DCC: variants seen among roughly 807,000 people sequenced by gnomAD.
DCC encodes the protein DCC netrin 1 receptor, also known as netrin receptor DCC.
A neutral mutation model predicts 172.5 loss-of-function variants in DCC; 58 were observed. That is an observed-to-expected ratio of 0.34 (90% confidence interval 0.27 to 0.42). DCC has a LOEUF of 0.42. Among genes scored for constraint, DCC ranks in the 10% least tolerant of loss-of-function variants. The pLI is 1.00. For synonymous variants in DCC, 709 were observed against 644.5 expected, an observed-to-expected ratio of 1.10 and a Z score of -1.52; for missense variants, 1,740 against 1,791.0, an observed-to-expected ratio of 0.97 and a Z score of 0.51.
chr18:52,954,300 A>G (rs1042114067), intron 5 of DCC, among the ~76,000 whole-genome samples: 4 of 151,806 alleles, frequency 2.6e-5, no homozygotes, highest in Non-Finnish European at 5.9e-5. Context: ...AAATATCACT[A>G]GTTTTTTTTT....
At chr18:53,235,584 C>T (rs1446991938) in intron 12 of DCC, among the ~76,000 whole-genome samples, 1 of 152,112 alleles carries the variant, frequency 6.6e-6, no homozygotes. Context: ...GCACTTTTGA[C>T]CTGGTATTTG....
chr18:52,568,765 G>C (rs2033224344), intron 1 of DCC, among the ~76,000 whole-genome samples: 1 of 152,148 alleles, frequency 6.6e-6, no homozygotes, highest in Non-Finnish European at 1.5e-5. Flanking sequence ...GAATTCAGCA[G>C]TGAACGTGCA....
chr18:53,011,237 A>T (rs2041726846), intron 5 of DCC, among the ~76,000 whole-genome samples: 1 of 151,644 alleles, frequency 6.6e-6, no homozygotes, highest in African/African-American at 2.4e-5. Flanking sequence ...ATATACTCAA[A>T]GATATCTGCA....
At chr18:52,718,837 C>T (rs1015520397) in intron 1 of DCC, among the ~76,000 whole-genome samples, 5 of 152,138 alleles carry the variant, frequency 3.3e-5, no homozygotes, top group Admixed American at 1.3e-4. Flanking sequence ...AAGGCAAGTC[C>T]TAAAGGTTAA....
intron 15 of DCC, among the ~76,000 whole-genome samples, chr18:53,365,993 A>C (rs2058000970): frequency 6.6e-6 from 1 of 152,306 alleles, no homozygotes; most frequent in African/African-American, 2.4e-5. Flanking sequence ...AAAAACTTCA[A>C]GTAGATTTGG....
intron 5 of DCC, among the ~76,000 whole-genome samples, chr18:52,988,990 T>C (rs2041338701): frequency 1.3e-5 from 2 of 151,306 alleles, no homozygotes; most frequent in African/African-American, 2.5e-5. Context: ...ACCTAGAAAA[T>C]AGATTTTTTT....
intron 5 of DCC, among the ~76,000 whole-genome samples, chr18:53,027,377 C>T (rs904469754): frequency 2.6e-5 from 4 of 152,086 alleles, no homozygotes; most frequent in African/African-American, 9.7e-5. Flanking sequence ...AGTCAAGTAA[C>T]GTTAATATTA....
intron 4 of DCC, among the ~76,000 whole-genome samples, chr18:52,924,930 G>A (rs566404365): frequency 7.2e-5 from 11 of 151,924 alleles, no homozygotes; most frequent in South Asian, 2.1e-4. Context: ...TAGACCTCGA[G>A]GTTCTCAAAT....
chr18:52,873,486 T>A (rs1307842266), intron 2 of DCC, among the ~76,000 whole-genome samples: 1 of 152,252 alleles, frequency 6.6e-6, no homozygotes, highest in Non-Finnish European at 1.5e-5. Context: ...GGATTATAGC[T>A]TTAGCATATA....
At chr18:52,977,743 G>T (rs1305512934) in intron 5 of DCC, among the ~76,000 whole-genome samples, 1 of 151,844 alleles carries the variant, frequency 6.6e-6, no homozygotes, top group Non-Finnish European at 1.5e-5. Context: ...AAATTAGCCG[G>T]ACGTGGTGGC....
intron 1 of DCC, among the ~76,000 whole-genome samples, chr18:52,487,833 A>AAG (rs2030304145): frequency 6.7e-6 from 1 of 148,664 alleles, no homozygotes; most frequent in Non-Finnish European, 1.5e-5. Flanking sequence ...AAAAAAAAAA[A>AAG]AAATTGGAGG....
At chr18:53,218,049 A>C (rs895129615) in intron 12 of DCC, among the ~76,000 whole-genome samples, 4 of 151,944 alleles carry the variant, frequency 2.6e-5, no homozygotes, top group African/African-American at 9.7e-5. Context: ...GGGTCTCATT[A>C]TGTTCCCTAG....
At chr18:53,520,052 C>A (rs953821877) in intron 27 of DCC, among the ~76,000 whole-genome samples, 6 of 151,994 alleles carry the variant, frequency 3.9e-5, no homozygotes, top group Non-Finnish European at 8.8e-5. Context: ...ATGGGTGAGG[C>A]CAGGGATGCA....
At chr18:53,197,555 A>G (rs886614770) in intron 9 of DCC, among the ~76,000 whole-genome samples, 8 of 151,590 alleles carry the variant, frequency 5.3e-5, no homozygotes, top group African/African-American at 1.9e-4. Context: ...TGACACTAAC[A>G]TTTATCTTCA....
chr18:52,475,331 T>C (rs1989062088), intron 1 of DCC, among the ~76,000 whole-genome samples: 1 of 152,142 alleles, frequency 6.6e-6, no homozygotes, highest in African/African-American at 2.4e-5. Flanking sequence ...AAAATGAACA[T>C]GGAGCTCCAA....
intron 27 of DCC, among the ~76,000 whole-genome samples, chr18:53,509,769 G>A (rs1390657040): frequency 6.6e-6 from 1 of 152,176 alleles, no homozygotes; most frequent in Non-Finnish European, 1.5e-5. Flanking sequence ...CACCCTCAAT[G>A]TAGCTCACCT....
chr18:53,454,569 G>T (rs192836363), intron 23 of DCC, among the ~76,000 whole-genome samples: 164 of 152,300 alleles, frequency 1.1e-3, no homozygotes, highest in African/African-American at 3.7e-3. Context: ...GTGATCTACA[G>T]TCTTGTCTGA....
At chr18:53,369,445 C>CT (rs1309979063) in intron 15 of DCC, among the ~76,000 whole-genome samples, 6 of 151,592 alleles carry the variant, frequency 4.0e-5, no homozygotes, top group Non-Finnish European at 5.9e-5. Context: ...AATTTTACTT[C>CT]TTTTTTTTCC....
chr18:52,536,571 G>A (rs1047478704), intron 1 of DCC, among the ~76,000 whole-genome samples: 1 of 151,902 alleles, frequency 6.6e-6, no homozygotes, highest in Non-Finnish European at 1.5e-5. Context: ...TCAGGAAGAG[G>A]TGGCCTCCAT....
Sources: gnomAD v4.1 joint callset for allele counts (sites outside exome capture counted in the v4.1 genomes callset) on GRCh38, gnomAD v4.1.1 for gene constraint, MANE v1.5 for transcripts, NCBI Gene and HGNC (gene_info 2026-07-23, HGNC 2026-07-21) for gene names.